Variants in TDRD3 observed in about 807,000 individuals in gnomAD.
TDRD3 encodes tudor domain-containing protein 3.
A neutral mutation model predicts 86.7 loss-of-function variants in TDRD3; 45 were observed. The observed-to-expected ratio is 0.52, with a 90% confidence interval of 0.41 to 0.67. The LOEUF (loss-of-function observed/expected upper bound fraction) is 0.67. Among genes scored for constraint, TDRD3 ranks in the 30% least tolerant of loss-of-function variants. The pLI, the probability that TDRD3 is intolerant of heterozygous loss-of-function variation, is 0.00. For missense variants in TDRD3, 814 were observed against 889.0 expected (o/e 0.92, Z 1.07); for synonymous variants, 298 against 301.7 (o/e 0.99, Z 0.13).
intron 10 of TDRD3, among the ~76,000 whole-genome samples, chr13:60,526,304 A>G (rs895956036): frequency 1.3e-5 from 2 of 152,190 alleles, no homozygotes; most frequent in African/African-American, 2.4e-5. Context: ...CTTGGAGACT[A>G]TTGATAATGT....
intron 8 of TDRD3, among the ~76,000 whole-genome samples, chr13:60,504,535 C>T (rs1051823209): frequency 6.6e-6 from 1 of 152,212 alleles, no homozygotes; most frequent in African/African-American, 2.4e-5. Context: ...ATGACACTTG[C>T]ATTTTACCAT....
At position 60,557,805 on chromosome 13, in the gene TDRD3, A is replaced by AT. The variant is rs998163037; in HGVS notation, c.2119-9710dup. On this transcript the variant is annotated intron_variant, in intron 12 of 13. Coordinates refer to ENST00000377881, the MANE Select transcript of TDRD3 (RefSeq NM_001146070.2). ...GTATTTTAGCAATTTGGCATAAAGG[A>AT]TTTTTTTTTTCCTGATTTTTTTTTT... Among the ~76,000 whole-genome samples the AT allele has an allele frequency of 4.6e-3, 482 of 104,340 alleles. 2 individuals are homozygous for AT. The highest frequency in any genetic ancestry group is 0.028 in the Middle Eastern group (5 of 178). 68.5% of individuals were successfully genotyped at this position (104,340 alleles called of 152,430 possible). A position where few individuals can be genotyped will look rare whatever the true frequency, so the allele number is the denominator to read the frequency against.
chr13:60,557,776 G>A (rs1595117091), intron 12 of TDRD3, among the ~76,000 whole-genome samples: 1 of 146,696 alleles, frequency 6.8e-6, no homozygotes, highest in African/African-American at 2.5e-5. Flanking sequence ...CATCAATCTG[G>A]CCTGTATTTT....
intron 12 of TDRD3, among the ~76,000 whole-genome samples, chr13:60,566,784 A>G (rs1295738003): frequency 6.6e-6 from 1 of 152,164 alleles, no homozygotes; most frequent in Non-Finnish European, 1.5e-5. Context: ...CTTTTCAAAT[A>G]TTATCATTAA....
At chr13:60,451,938 A>G (rs1955555569) in intron 3 of TDRD3, among the ~76,000 whole-genome samples, 1 of 152,186 alleles carries the variant, frequency 6.6e-6, no homozygotes, top group East Asian at 1.9e-4. Flanking sequence ...TAGCTTAAAA[A>G]CAATTGACAT....
intron 4 of TDRD3, among the ~76,000 whole-genome samples, chr13:60,466,370 A>G (rs1257551428): frequency 1.3e-5 from 2 of 152,168 alleles, no homozygotes; most frequent in Non-Finnish European, 2.9e-5. Flanking sequence ...TTGAAAAAGT[A>G]TTTTATATTT....
intron 1 of TDRD3, among the ~76,000 whole-genome samples, chr13:60,403,905 A>G (rs1288691599): frequency 6.6e-6 from 1 of 152,256 alleles, no homozygotes; most frequent in African/African-American, 2.4e-5. Flanking sequence ...ATGTAACTCT[A>G]TACAATAATA....
intron 1 of TDRD3, among the ~76,000 whole-genome samples, chr13:60,434,598 CTGCTTGT>C (rs1273335854): frequency 2.0e-5 from 3 of 151,634 alleles, no homozygotes; most frequent in African/African-American, 7.3e-5. Context: ...TTTTAATGCC[CTGCTTGT>C]CAGTAAAATG....
At chr13:60,448,239 C>A (rs1402000729) in intron 3 of TDRD3, among the ~76,000 whole-genome samples, 5 of 152,056 alleles carry the variant, frequency 3.3e-5, no homozygotes, top group African/African-American at 9.7e-5. Context: ...AGTTAGAAGA[C>A]CAGCTAATCC....
At chr13:60,524,416 A>T (rs1314648607) in intron 10 of TDRD3, among the ~76,000 whole-genome samples, 1 of 151,860 alleles carries the variant, frequency 6.6e-6, no homozygotes, top group African/African-American at 2.4e-5. Flanking sequence ...CTGAGGCAGG[A>T]TAATCACTTG....
At chr13:60,553,500 C>T (rs1958113521) in intron 12 of TDRD3, among the ~76,000 whole-genome samples, 1 of 151,714 alleles carries the variant, frequency 6.6e-6, no homozygotes, top group Non-Finnish European at 1.5e-5. Context: ...TGTATTAGTC[C>T]ATTCTCTGCT....
intron 5 of TDRD3, among the ~76,000 whole-genome samples, chr13:60,469,365 A>G (rs1372034115): frequency 6.6e-6 from 1 of 152,038 alleles, no homozygotes. Context: ...ACCCAGTCCC[A>G]TAGCCAGGAC....
intron 4 of TDRD3, among the ~76,000 whole-genome samples, chr13:60,464,323 C>A (rs1321021873): frequency 6.6e-6 from 1 of 152,102 alleles, no homozygotes; most frequent in Non-Finnish European, 1.5e-5. Flanking sequence ...ATTAGTGCAA[C>A]CACCATGGAA....
intron 12 of TDRD3, among the ~76,000 whole-genome samples, chr13:60,543,964 G>GTT (rs79811167): frequency 5.3e-5 from 7 of 131,642 alleles, no homozygotes; most frequent in African/African-American, 8.3e-5. Context: ...TAATATAGCT[G>GTT]TTTTTTTTTT....
rs200821042 is a variant in TDRD3 at position 60,471,751 on chromosome 13, G to GT, written c.495+4381dup. 2.5e-3 allele frequency among the ~76,000 whole-genome samples: 384 copies of GT among 151,290 alleles called. 10 individuals carry two copies. The East Asian group carries it at 0.043, about 17-fold the overall frequency. ...CTTTATTGAATTTAGTATTCTAACA[G>GT]TTTTTTTTTCTTTTTAGTGTGGAAT... On this transcript the variant is annotated intron_variant, in intron 5 of 13. Transcript: ENST00000377881.
At chr13:60,478,968 T>C (rs1279699953) in intron 5 of TDRD3, among the ~76,000 whole-genome samples, 1 of 151,886 alleles carries the variant, frequency 6.6e-6, no homozygotes, top group African/African-American at 2.4e-5. Context: ...CATGCCTAGC[T>C]GATTTTTTTT....
intron 1 of TDRD3, among the ~76,000 whole-genome samples, chr13:60,418,021 A>G (rs550952125): frequency 8.3e-4 from 127 of 152,230 alleles, no homozygotes; most frequent in African/African-American, 3.0e-3. Context: ...TGTCTTTTCT[A>G]TAGGTGTTAG....
At chr13:60,421,506 C>T (rs959576111) in intron 1 of TDRD3, among the ~76,000 whole-genome samples, 7 of 152,128 alleles carry the variant, frequency 4.6e-5, no homozygotes, top group Non-Finnish European at 1.0e-4. Context: ...ATATCACATA[C>T]GAATTTTAAC....
intron 1 of TDRD3, among the ~76,000 whole-genome samples, chr13:60,438,610 A>G (rs1286576633): frequency 1.3e-5 from 2 of 151,870 alleles, no homozygotes; most frequent in African/African-American, 2.4e-5. Context: ...AACTATTCAC[A>G]TTTCTTTTCA....
Sources: allele counts gnomAD v4.1 joint callset (sites outside exome capture counted in the v4.1 genomes callset), GRCh38; gene constraint gnomAD v4.1.1; transcripts MANE v1.5; gene names NCBI Gene and HGNC (gene_info 2026-07-23, HGNC 2026-07-21).